ROBO2: variants seen among roughly 807,000 people sequenced by gnomAD.
The protein encoded by ROBO2 is roundabout homolog 2.
In ROBO2, 53 loss-of-function variants were observed where a neutral mutation model predicts 160.8. The observed-to-expected ratio is 0.33, with a 90% CI of 0.26 to 0.41. ROBO2 has a LOEUF of 0.41. ROBO2 is among the 10% of genes least tolerant of loss of function. The pLI is 1.00. For missense variants in ROBO2, 1,577 were observed against 1,722.4 expected (o/e 0.92, Z 1.49); for synonymous variants, 664 against 611.7 (o/e 1.09, Z -1.26).
chr3:77,583,528 CT>C (rs1320964039), intron 16 of ROBO2, among the ~76,000 whole-genome samples: 1 of 152,020 alleles, frequency 6.6e-6, no homozygotes, highest in Non-Finnish European at 1.5e-5. Flanking sequence ...TTCTTTTACA[CT>C]TTTCATTTCC....
rs376346980 is a variant in ROBO2, at chr3:77,582,111, C to T, written c.2500+1993C>T. 5.9e-5 allele frequency among the ~76,000 whole-genome samples: 9 copies of T among 152,198 alleles called. No homozygotes were observed. In the East Asian group the frequency reaches 1.7e-3, roughly 29 times the overall value. The stretch of plus-strand genomic sequence containing the variant: ...TCATTTTTTCATTCTTTCATTTTAA[C>T]CCATGTTTCTCTGTATTTAATGTGC... On this transcript the variant is annotated intron_variant, in intron 16 of 25. Coordinates refer to ENST00000461745, the Ensembl canonical transcript of ROBO2.
rs771652332 is a variant in ROBO2, at chr3:77,477,542, C to T, written c.517C>T (p.Arg173Ter). The change falls in exon 3 of 26, where the codon CGA (arginine) becomes TGA (stop). Residue 173 changes from arginine to a stop codon, truncating the protein, a stop_gained. Transcript: ENST00000461745. LOFTEE classifies it high-confidence loss of function. ...CATCTACTGGAAAAAAGACAAAGTT[C>T]GAATTGATGACAAGGAAGAAAGAAT... 1 of 1,613,792 alleles carries T rather than the reference C, an allele frequency of 6.2e-7. No individual in the cohort carries two copies. The highest frequency in any genetic ancestry group is 8.5e-7 in the Non-Finnish European group (1 of 1,179,942).
At chr3:76,107,807 A>G (rs544493901) in intron 2 of ROBO2, among the ~76,000 whole-genome samples, 1 of 151,972 alleles carries the variant, frequency 6.6e-6, no homozygotes, top group Admixed American at 6.6e-5. Flanking sequence ...TATTTTTCTT[A>G]TTTTTCCCAC....
intron 2 of ROBO2, among the ~76,000 whole-genome samples, chr3:75,939,029 A>G (rs1947919599): frequency 6.6e-6 from 1 of 152,094 alleles, no homozygotes; most frequent in Admixed American, 6.6e-5. Context: ...TTCTCTGGTA[A>G]TGTGTAAAAT....
At chr3:76,432,099 C>G (rs191445814) in intron 2 of ROBO2, among the ~76,000 whole-genome samples, 2 of 152,164 alleles carry the variant, frequency 1.3e-5, no homozygotes, top group East Asian at 3.9e-4. Flanking sequence ...ATTTGGTCTC[C>G]TACAAAGTTG....
At chr3:77,172,479 G>A (rs1268395034) in intron 2 of ROBO2, among the ~76,000 whole-genome samples, 1 of 152,024 alleles carries the variant, frequency 6.6e-6, no homozygotes, top group Non-Finnish European at 1.5e-5. Flanking sequence ...TGAAAATCAT[G>A]CATTATTCTA....
chr3:76,029,031 C>G (rs17013688), intron 2 of ROBO2, among the ~76,000 whole-genome samples: 3,106 of 151,784 alleles, frequency 0.02, 109 homozygotes, highest in African/African-American at 0.07. Context: ...AGTCATCCAA[C>G]TTGTGTATAC....
chr3:76,742,224 G>A (rs2093814025), intron 2 of ROBO2, among the ~76,000 whole-genome samples: 1 of 151,996 alleles, frequency 6.6e-6, no homozygotes, highest in Non-Finnish European at 1.5e-5. Flanking sequence ...ACCTAAAGAA[G>A]ACATTTTGTA....
chr3:77,540,418 G>A (rs1026660101), intron 6 of ROBO2, among the ~76,000 whole-genome samples: 3 of 152,120 alleles, frequency 2.0e-5, no homozygotes, highest in African/African-American at 7.2e-5. Context: ...TCCTACTGTG[G>A]CATTCGAATA....
intron 2 of ROBO2, among the ~76,000 whole-genome samples, chr3:76,381,694 A>G (rs549795593): frequency 2.6e-5 from 4 of 152,274 alleles, no homozygotes; most frequent in East Asian, 1.9e-4. Context: ...CATGCTTACA[A>G]TGCAATACCA....
chr3:76,389,701 A>T (rs2077057261), intron 2 of ROBO2, among the ~76,000 whole-genome samples: 1 of 152,194 alleles, frequency 6.6e-6, no homozygotes, highest in African/African-American at 2.4e-5. Flanking sequence ...TTCAAATTTG[A>T]TGGTTACAAG....
chr3:76,299,950 C>T (rs1325307545), intron 2 of ROBO2, among the ~76,000 whole-genome samples: 2 of 152,022 alleles, frequency 1.3e-5, no homozygotes, highest in African/African-American at 4.8e-5. Flanking sequence ...TATTTTTTGA[C>T]GAGTTGAGTT....
intron 2 of ROBO2, among the ~76,000 whole-genome samples, chr3:76,519,071 G>A (rs146522433): frequency 1.1e-4 from 17 of 152,288 alleles, no homozygotes; most frequent in African/African-American, 3.8e-4. Flanking sequence ...AGGATGTGAC[G>A]TTTGATCTGG....
chr3:76,485,099 C>T (rs2079423609), intron 2 of ROBO2, among the ~76,000 whole-genome samples: 1 of 152,026 alleles, frequency 6.6e-6, no homozygotes, highest in Admixed American at 6.6e-5. Context: ...GGGATGGTTT[C>T]AGGATGAATC....
At chr3:77,370,373 A>G (rs544759750) in intron 2 of ROBO2, among the ~76,000 whole-genome samples, 216 of 152,342 alleles carry the variant, frequency 1.4e-3, no homozygotes, top group Non-Finnish European at 2.5e-3. Flanking sequence ...ATCTCTCAGT[A>G]TATTGATGAA....
intron 2 of ROBO2, among the ~76,000 whole-genome samples, chr3:76,619,918 C>G (rs1278317406): frequency 6.6e-6 from 1 of 151,784 alleles, no homozygotes; most frequent in Non-Finnish European, 1.5e-5. Context: ...TTAATTCAGC[C>G]CAGGTAAAAC....
intron 17 of ROBO2, among the ~76,000 whole-genome samples, chr3:77,590,095 TG>T (rs2094145103): frequency 2.0e-5 from 3 of 152,194 alleles, no homozygotes; most frequent in Non-Finnish European, 4.4e-5. Context: ...GTTTGTTATT[TG>T]ATGCATTTAT....
chr3:76,742,040 A>G (rs956680609), intron 2 of ROBO2, among the ~76,000 whole-genome samples: 25 of 152,242 alleles, frequency 1.6e-4, no homozygotes, highest in Admixed American at 9.8e-4. Context: ...TTCTCAGATC[A>G]GTCAACAGCT....
chr3:76,669,239 A>T (rs1241911565), intron 2 of ROBO2, among the ~76,000 whole-genome samples: 2 of 152,186 alleles, frequency 1.3e-5, no homozygotes, highest in Non-Finnish European at 2.9e-5. Flanking sequence ...AAGAGAAGGC[A>T]TTGCAGCTGT....
Sources: allele counts gnomAD v4.1 joint callset (sites outside exome capture counted in the v4.1 genomes callset), GRCh38; gene constraint gnomAD v4.1.1; transcripts MANE v1.5; gene names NCBI Gene and HGNC (gene_info 2026-07-23, HGNC 2026-07-21).